The following ADAMTSL4 variants were observed in gnomAD, a reference collection of about 807,000 sequenced individuals.
ADAMTSL4 encodes the protein ADAMTS-like protein 4.
Under a neutral mutation model 122.8 loss-of-function variants are expected in ADAMTSL4, and 97 were observed. The ratio of observed to expected loss-of-function variants is 0.79; its 90% confidence interval spans 0.67 to 0.93. The LOEUF (loss-of-function observed/expected upper bound fraction) is 0.93, where lower values mean the gene tolerates loss of function less well. Ranked by LOEUF, ADAMTSL4 falls within the 40% of genes least tolerant of loss-of-function variation. The pLI is 0.00. For synonymous variants in ADAMTSL4, 592 were observed against 568.0 expected (o/e 1.04, Z -0.60); for missense variants, 1,408 against 1,453.5 (o/e 0.97, Z 0.51).
chr1:150,556,868 G>C lies in ADAMTSL4; in HGVS notation c.1750-71G>C, dbSNP rs1672185826. ...CTCTGGGCAGAGCTGTGGTTGTCAA[G>C]ATGGGAGAGAGAGCTGGTGGCATCC... On this transcript the variant is annotated intron_variant, in intron 10 of 18. Coordinates refer to ENST00000271643, the MANE Select transcript of ADAMTSL4 (RefSeq NM_019032.6). The surrounding 1 kb of genome is among the most constrained non-coding windows in gnomAD (Gnocchi z 4.1). 7 of 1,612,242 alleles carry C rather than the reference G, an allele frequency of 4.3e-6. No individual in the cohort carries two copies. In the South Asian group the frequency reaches 6.6e-5, roughly 15 times the overall value.
At position 150,552,742 on chromosome 1, in the gene ADAMTSL4, C is replaced by T; in HGVS notation, c.78+142C>T. ...CTGCCAACTCCCCAGTTCCTTGCCT[C>T]ATAACACCAAGAGGCCGAGGTGTAG... On this transcript the variant is annotated intron_variant, in intron 4 of 18. Transcript: ENST00000271643. The surrounding 1 kb of genome is among the most constrained non-coding windows in gnomAD (Gnocchi z 4.0). The T allele has an allele frequency of 2.3e-6, 3 of 1,319,528 alleles. No homozygotes were observed. Among genetic ancestry groups the T allele is most frequent in the Non-Finnish European group, 3.2e-6 (3 of 937,012 alleles). 81.7% of individuals were successfully genotyped at this position (1,319,528 alleles called of 1,614,324 possible).
Position 150,559,718 on chromosome 1 carries a change from C to T in ADAMTSL4, c.2944-43C>T, listed in dbSNP as rs758300266. ...GGCAGCCAGGGGTTAAGGAGAATCC[C>T]GGGCCTGGCAAAGGTCTGATATGAT... On this transcript the variant is annotated intron_variant, in intron 17 of 18. Transcript: ENST00000271643. The surrounding 1 kb of genome is among the most constrained non-coding windows in gnomAD (Gnocchi z 4.1). 14 of 1,613,156 alleles carry T rather than the reference C, an allele frequency of 8.7e-6. No homozygotes were observed. Among genetic ancestry groups the T allele is most frequent in the East Asian group, 4.5e-5 (2 of 44,900 alleles).
Position 150,559,701 on chromosome 1 carries a change from G to A in ADAMTSL4, c.2944-60G>A. 3 of 1,611,568 alleles carry A rather than the reference G, an allele frequency of 1.9e-6. No homozygotes were observed. Among genetic ancestry groups the A allele is most frequent in the Non-Finnish European group, 2.5e-6 (3 of 1,178,990 alleles). On this transcript the variant is annotated intron_variant, in intron 17 of 18. Transcript: ENST00000271643. This position sits in a 1 kb window ranked among gnomAD's most constrained non-coding sequence, Gnocchi z 4.1. ...CTTTTGGGGAGAGAGGTGGCAGCCA[G>A]GGGTTAAGGAGAATCCCGGGCCTGG...
At position 150,559,233 on chromosome 1, in the gene ADAMTSL4, G is replaced by C. The variant is rs901267809; in HGVS notation, c.2764-54G>C. 5.0e-6 allele frequency: 8 copies of C among 1,612,690 alleles called. No individual in the cohort carries two copies. Among genetic ancestry groups the C allele is most frequent in the Non-Finnish European group, 5.1e-6 (6 of 1,179,394 alleles). On this transcript the variant is annotated intron_variant, in intron 16 of 18. Coordinates refer to ENST00000271643, the MANE Select transcript of ADAMTSL4 (RefSeq NM_019032.6). The surrounding 1 kb of genome is among the most constrained non-coding windows in gnomAD (Gnocchi z 4.1). ...CCAGTGGGATTCCTTGTGGGCACTT[G>C]GGGTGCTCTCTGTCCTCCCCTCCCC...
chr1:150,559,341 AAACTGGGGACGGAGTTC>A lies in ADAMTSL4; in HGVS notation c.2822_2838del (p.Leu941ArgfsTer75). ...GCGTAGAGACATCATCTGTGTATCC[AAACTGGGGACGGAGTTC>A]AACGTGACTTCTCCGAGCAACTGTT... On this transcript the variant is annotated frameshift_variant, in exon 17 of 19. Transcript: ENST00000271643. LOFTEE classifies it high-confidence loss of function. This position sits in a 1 kb window ranked among gnomAD's most constrained non-coding sequence, Gnocchi z 4.1. 1 of 1,613,950 alleles carries A rather than the reference AAACTGGGGACGGAGTTC, an allele frequency of 6.2e-7. No individual in the cohort carries two copies. Among genetic ancestry groups the A allele is most frequent in the Non-Finnish European group, 8.5e-7 (1 of 1,179,976 alleles).
intron 15 of ADAMTSL4, 116 bp downstream of exon 15, chr1:150,558,765 G>C (rs1460950417): frequency 6.3e-7 from 1 of 1,577,176 alleles, no homozygotes; most frequent in African/African-American, 1.4e-5. Flanking sequence ...CTATATGCCT[G>C]ACCCTGGGAA....
At chr1:150,555,395 A>G (rs1671918747) in intron 7 of ADAMTSL4, 34 bp from the exon 8 acceptor site, 5 of 1,612,740 alleles carry the variant, frequency 3.1e-6, no homozygotes, top group Non-Finnish European at 4.2e-6. Flanking sequence ...CCCACCAGGG[A>G]GCCCACTAAC....
intron 2 of ADAMTSL4, chr1:150,550,314 G>A (rs1168542468): frequency 8.8e-6 from 4 of 455,228 alleles, no homozygotes; most frequent in Non-Finnish European, 1.8e-5. Flanking sequence ...CTGCAGAGGA[G>A]GGGGCATGGG....
rs1277524910 is a variant in ADAMTSL4 at position 150,557,162 on chromosome 1, T to G, written c.1874T>G (p.Val625Gly). The change falls in exon 12 of 19, where the codon GTG becomes GGG. Residue 625 changes from valine to glycine, a missense_variant. Val to Gly is a moderately radical substitution (Grantham distance 109). Transcript: ENST00000271643. ...VPQLQPEILR[V>G]EPPLAPAPRP... is the part of the protein sequence containing the mutation. The stretch of plus-strand genomic sequence containing the variant: ...CTCCCCTGCACAGAGATTCTGAGGG[T>G]GGAGCCCCCACTTGCTCCGGCACCC... 73 of 1,611,724 alleles carry G rather than the reference T, an allele frequency of 4.5e-5. No individual in the cohort carries two copies. The highest frequency in any genetic ancestry group is 6.1e-5 in the Non-Finnish European group (72 of 1,179,754).
intron 15 of ADAMTSL4, 150 bp downstream of exon 15, chr1:150,558,799 TC>T: frequency 4.5e-6 from 7 of 1,546,406 alleles, no homozygotes; most frequent in Non-Finnish European, 6.1e-6. Context: ...GAGAACAACT[TC>T]CATGAGGGGC....
chr1:150,556,566 A>C lies in ADAMTSL4; in HGVS notation c.1577-55A>C. On this transcript the variant is annotated intron_variant, in intron 9 of 18. Coordinates refer to ENST00000271643, the MANE Select transcript of ADAMTSL4 (RefSeq NM_019032.6). The surrounding 1 kb of genome is among the most constrained non-coding windows in gnomAD (Gnocchi z 4.1). ...CTATAGGCTAAGGACACGGTGTGGG[A>C]GGAGGAAGGTATTATCACCCTGGAA... is the stretch of plus-strand genomic sequence containing the variant. 1 of 1,609,652 alleles carries C rather than the reference A, an allele frequency of 6.2e-7. No homozygotes were observed. Among genetic ancestry groups the C allele is most frequent in the Non-Finnish European group, 8.5e-7 (1 of 1,176,750 alleles).
rs1183120397 is a variant in ADAMTSL4, at chr1:150,556,271, G to C, written c.1481G>C (p.Arg494Pro). 3 of 1,614,150 alleles carry C rather than the reference G, an allele frequency of 1.9e-6. No homozygotes were observed. The highest frequency in any genetic ancestry group is 2.5e-6 in the Non-Finnish European group (3 of 1,180,018). The change falls in exon 9 of 19, where the codon CGA becomes CCA. Residue 494 changes from arginine (R) to proline (P), a missense_variant. Physicochemically the swap from Arg to Pro is moderately radical, Grantham distance 103 (BLOSUM62 -2). Transcript: ENST00000271643. This position sits in a 1 kb window ranked among gnomAD's most constrained non-coding sequence, Gnocchi z 4.1. Reference protein sequence around the residue: ...CRLVSGNLTDRGGPLGYQKIL... With the variant: ...CRLVSGNLTDPGGPLGYQKIL... ...CTTGTTTCGGGGAACCTCACTGACCGAGGGGGCCCCCTGGGCTATCAGAAG... is the reference window on the plus strand; with the variant it reads ...CTTGTTTCGGGGAACCTCACTGACCCAGGGGGCCCCCTGGGCTATCAGAAG...
At position 150,553,687 on chromosome 1, in the gene ADAMTSL4, C is replaced by A. The variant is rs1381222261; in HGVS notation, c.696C>A (p.Ser232Arg). 8.1e-6 allele frequency: 13 copies of A among 1,613,166 alleles called. No homozygotes were observed. The highest frequency in any genetic ancestry group is 1.1e-5 in the Non-Finnish European group (13 of 1,179,698). Residue 232 changes from serine (S) to arginine (R), a missense_variant, in exon 6 of 19, where the codon AGC becomes AGA. Transcript: ENST00000271643. ...CATCCCCCCAAGCAGAACCTCTAAG[C>A]CCTGAAACTGCTCAGACAGAGGTGG... ...HTPSPQAEPL[S>R]PETAQTEVAP...
rs780948857 is a variant in ADAMTSL4 at position 150,552,330 on chromosome 1, T to TG, written c.20+29dup. 209 of 1,552,844 alleles carry TG rather than the reference T, an allele frequency of 1.3e-4. No individual in the cohort carries two copies. Among genetic ancestry groups the TG allele is most frequent in the South Asian group, 2.0e-4 (17 of 84,302 alleles). ...GCAGGTGAGAGAAGGGGCCACGGGT[T>TG]GGGGGGGAGGAAAAGGGGAGGTGCT... On this transcript the variant is annotated intron_variant, in intron 3 of 18. Coordinates refer to ENST00000271643, the MANE Select transcript of ADAMTSL4 (RefSeq NM_019032.6). This position sits in a 1 kb window ranked among gnomAD's most constrained non-coding sequence, Gnocchi z 4.0.
rs1020994785 is a variant in ADAMTSL4 at position 150,556,073 on chromosome 1, G to A, written c.1372-89G>A. ...TCTCACTTGTGGCACAAAAAGCAGG[G>A]TAGTGAGCTGAGGCTCCCGAGGGGA... On this transcript the variant is annotated intron_variant, in intron 8 of 18. Transcript: ENST00000271643. This position sits in a 1 kb window ranked among gnomAD's most constrained non-coding sequence, Gnocchi z 4.1. The A allele has an allele frequency of 1.1e-5, 15 of 1,416,724 alleles. No individual in the cohort carries two copies. The Middle Eastern group carries it at 7.2e-4, about 68-fold the overall frequency. The allele number at this position is 1,416,724 out of a possible 1,614,324, so 87.8% of individuals were successfully genotyped here.
chr1:150,549,962 G>A lies in ADAMTSL4; in HGVS notation c.-85+67G>A, dbSNP rs879787299. 7 of 243,474 alleles carry A rather than the reference G, an allele frequency of 2.9e-5. No individual in the cohort carries two copies. The highest frequency in any genetic ancestry group is 4.8e-5 in the Admixed American group (1 of 20,998). The allele number at this position is 243,474 out of a possible 1,614,324, so 15.1% of individuals were successfully genotyped here. ...TTGACAAAAAAGAAAGACACCTGTT[G>A]GGGTGGCCTGCCAGACCCAGGAGTG... On this transcript the variant is annotated intron_variant, in intron 2 of 18. Transcript: ENST00000271643. The surrounding 1 kb of genome is among the most constrained non-coding windows in gnomAD (Gnocchi z 5.0).
At position 150,554,630 on chromosome 1, in the gene ADAMTSL4, A is replaced by AGGT; in HGVS notation, c.1234+168_1234+170dup. ...CTGGGGCTGGGTCAGGAGACAGCAC[A>AGGT]GGTGGTGAGTGGTCTGCAGAAGGGT... On this transcript the variant is annotated intron_variant, in intron 7 of 18. Coordinates refer to ENST00000271643, the MANE Select transcript of ADAMTSL4 (RefSeq NM_019032.6). The surrounding 1 kb of genome is among the most constrained non-coding windows in gnomAD (Gnocchi z 4.0). The AGGT allele has an allele frequency of 6.5e-7, 1 of 1,543,368 alleles. No individual in the cohort carries two copies. Among genetic ancestry groups the AGGT allele is most frequent in the African/African-American group, 1.4e-5 (1 of 73,086 alleles).
rs587757057 is a variant in ADAMTSL4, at chr1:150,558,831, G to A, written c.2560-131G>A. 340 of 1,538,942 alleles carry A rather than the reference G, an allele frequency of 2.2e-4. 2 individuals are homozygous for A. The East Asian group carries it at 4.2e-3, about 19-fold the overall frequency. On this transcript the variant is annotated intron_variant, in intron 15 of 18. Coordinates refer to ENST00000271643, the MANE Select transcript of ADAMTSL4 (RefSeq NM_019032.6). ...GGGGCCCGGCTAGGATTCCTCGTCC[G>A]GGCCTGGTACCCGGGGACATTCCCA...
At position 150,554,230 on chromosome 1, in the gene ADAMTSL4, G is replaced by T; in HGVS notation, c.1131+108G>T. 6.9e-7 allele frequency: 1 copy of T among 1,456,406 alleles called. No homozygotes were observed. The highest frequency in any genetic ancestry group is 9.5e-7 in the Non-Finnish European group (1 of 1,051,762). The allele number at this position is 1,456,406 out of a possible 1,614,324, so 90.2% of individuals were successfully genotyped here. A position where few individuals can be genotyped will look rare whatever the true frequency, so the allele number is the denominator to read the frequency against. On this transcript the variant is annotated intron_variant, in intron 6 of 18. Transcript: ENST00000271643. The surrounding 1 kb of genome is among the most constrained non-coding windows in gnomAD (Gnocchi z 4.0). The stretch of plus-strand genomic sequence containing the variant: ...TGGCACCTGAGGGAGAAGGGCCTTG[G>T]CATCTGACCACCTCAGGGCAGGGGT...
Sources: gnomAD v4.1 joint callset for allele counts on GRCh38, gnomAD v4.1.1 for gene constraint, Gnocchi (gnomAD v3.1) non-coding constraint, MANE v1.5 for transcripts, NCBI Gene and HGNC (gene_info 2026-07-23, HGNC 2026-07-21) for gene names.